The following ZNF148 variants were observed in gnomAD, a reference collection of about 807,000 sequenced individuals.
ZNF148 encodes the protein zinc finger protein 148, also known as Beta-Enolase Repressor Factor-1.
A neutral mutation model predicts 67.7 loss-of-function variants in ZNF148; 7 were observed. The observed-to-expected ratio is 0.10, with a 90% confidence interval of 0.06 to 0.19. ZNF148 has a LOEUF of 0.19. ZNF148 is among the 10% of genes least tolerant of loss of function. The pLI, the probability that ZNF148 is intolerant of heterozygous loss-of-function variation, is 1.00. For missense variants in ZNF148, 583 were observed against 947.1 expected, an observed-to-expected ratio of 0.62 and a Z score of 5.05; for synonymous variants, 333 against 330.7, an observed-to-expected ratio of 1.01 and a Z score of -0.08.
At chr3:125,252,763 T>C (rs1256652902) in intron 7 of ZNF148, among the ~76,000 whole-genome samples, 1 of 53,988 alleles carries the variant, frequency 1.9e-5, no homozygotes, top group African/African-American at 1.1e-4. Context: ...CAAGACTCTG[T>C]CTCAAAAAAA....
At chr3:125,324,182 A>C (rs1353827192) in intron 2 of ZNF148, among the ~76,000 whole-genome samples, 1 of 134,944 alleles carries the variant, frequency 7.4e-6, no homozygotes, top group Non-Finnish European at 1.7e-5. Flanking sequence ...AAAGTATAAT[A>C]ATAAAAAAAA....
chr3:125,309,108 A>C (rs1940056176), intron 4 of ZNF148, among the ~76,000 whole-genome samples: 1 of 152,210 alleles, frequency 6.6e-6, no homozygotes, highest in Admixed American at 6.5e-5. Flanking sequence ...AGAATTACAA[A>C]AAAACTTCCC....
intron 7 of ZNF148, among the ~76,000 whole-genome samples, chr3:125,244,226 C>T (rs1307242589): frequency 1.3e-5 from 2 of 152,094 alleles, no homozygotes; most frequent in African/African-American, 4.8e-5. Flanking sequence ...TGACATTGCA[C>T]ACAATCAGCT....
chr3:125,304,086 C>T (rs1939743072), intron 4 of ZNF148, among the ~76,000 whole-genome samples: 7 of 152,004 alleles, frequency 4.6e-5, no homozygotes, highest in Admixed American at 4.6e-4. Flanking sequence ...CTGCTCTTGC[C>T]TATCCTCTTA....
intron 2 of ZNF148, among the ~76,000 whole-genome samples, chr3:125,329,724 C>CAA (rs980740328): frequency 3.3e-4 from 45 of 137,660 alleles, no homozygotes; most frequent in Non-Finnish European, 5.7e-4. Flanking sequence ...TTTATAATAG[C>CAA]AAAAAAAAAA....
At position 125,228,258 on chromosome 3, in the gene ZNF148, G is replaced by GT. The variant is rs1660560086; in HGVS notation, c.*4082dup. 6.6e-6 allele frequency: 1 copy of GT among 152,582 alleles called. No homozygotes were observed. The highest frequency in any genetic ancestry group is 6.6e-5 in the Admixed American group (1 of 15,256). The allele number at this position is 152,582 out of a possible 1,614,324, so 9.5% of individuals were successfully genotyped here. On this transcript the variant is annotated 3_prime_UTR_variant, in exon 9 of 9. Coordinates refer to ENST00000360647, the MANE Select transcript of ZNF148 (RefSeq NM_021964.3). ...CTTCCTTCAGTGTGATGGGCACTAAGTTTTGCGGTCTTCCTCCATCTTGCA... is the reference window on the plus strand; with the variant it reads ...CTTCCTTCAGTGTGATGGGCACTAAGTTTTTGCGGTCTTCCTCCATCTTGCA...
intron 1 of ZNF148, among the ~76,000 whole-genome samples, chr3:125,352,784 G>A (rs533437420): frequency 1.3e-5 from 2 of 151,748 alleles, no homozygotes; most frequent in Non-Finnish European, 2.9e-5. Flanking sequence ...TATATGGAAA[G>A]GCAACAAAAC....
chr3:125,305,102 G>A (rs1333459096), intron 4 of ZNF148, among the ~76,000 whole-genome samples: 1 of 152,184 alleles, frequency 6.6e-6, no homozygotes, highest in East Asian at 1.9e-4. Flanking sequence ...TAAATAAAGT[G>A]TGATAAGGAA....
At chr3:125,356,489 AATATATTTTT>A (rs1370030409) in intron 1 of ZNF148, among the ~76,000 whole-genome samples, 1 of 152,226 alleles carries the variant, frequency 6.6e-6, no homozygotes, top group Non-Finnish European at 1.5e-5. Context: ...GACAACTGCA[AATATATTTTT>A]AGATTTATTA....
chr3:125,303,528 C>G (rs1336878425), intron 4 of ZNF148, among the ~76,000 whole-genome samples: 2 of 152,150 alleles, frequency 1.3e-5, no homozygotes, highest in African/African-American at 4.8e-5. Flanking sequence ...GAGCTCAAAC[C>G]CTATTGTGAA....
intron 6 of ZNF148, among the ~76,000 whole-genome samples, chr3:125,278,208 C>A (rs1010465293): frequency 1.3e-5 from 2 of 152,052 alleles, no homozygotes; most frequent in Non-Finnish European, 2.9e-5. Context: ...TCCATTTATG[C>A]CCTTTTACAT....
chr3:125,358,938 AGTT>A (rs1037381007), intron 1 of ZNF148, among the ~76,000 whole-genome samples: 2 of 152,238 alleles, frequency 1.3e-5, no homozygotes, highest in African/African-American at 4.8e-5. Flanking sequence ...GAATTAATAT[AGTT>A]ATCATTTAAA....
intron 7 of ZNF148, among the ~76,000 whole-genome samples, chr3:125,252,703 G>A (rs1442913847): frequency 6.6e-6 from 1 of 151,686 alleles, no homozygotes; most frequent in Non-Finnish European, 1.5e-5. Flanking sequence ...GGGAGTCGGA[G>A]GTTGCAGTGA....
chr3:125,332,621 G>C (rs1941336140), intron 1 of ZNF148, among the ~76,000 whole-genome samples: 1 of 152,144 alleles, frequency 6.6e-6, no homozygotes, highest in Admixed American at 6.6e-5. Context: ...ATTACAGACT[G>C]CCACCTGATA....
intron 7 of ZNF148, among the ~76,000 whole-genome samples, chr3:125,256,431 C>T (rs1486363833): frequency 6.6e-6 from 1 of 151,602 alleles, no homozygotes; most frequent in Admixed American, 6.6e-5. Flanking sequence ...AATCCCAGCA[C>T]TTTGGGAGGT....
intron 7 of ZNF148, 123 bp from the exon 8 acceptor site, chr3:125,234,452 A>T (rs1426441031): frequency 2.9e-6 from 2 of 694,322 alleles, no homozygotes; most frequent in Non-Finnish European, 4.9e-6. Context: ...CATTTGTCAA[A>T]TATATTTTGC....
chr3:125,229,504 T>A lies in ZNF148; in HGVS notation c.*2837A>T, dbSNP rs1441172746. 6.6e-6 allele frequency: 1 copy of A among 152,108 alleles called. No homozygotes were observed. The highest frequency in any genetic ancestry group is 1.5e-5 in the Non-Finnish European group (1 of 68,024). The allele number at this position is 152,108 out of a possible 1,614,324, so 9.4% of individuals were successfully genotyped here. On this transcript the variant is annotated 3_prime_UTR_variant, in exon 9 of 9. Coordinates refer to ENST00000360647, the MANE Select transcript of ZNF148 (RefSeq NM_021964.3). ...TTAAATATTCAAGACAAATGAAATA[T>A]GTGAGAATAAGGTTTTAAAAAACCC...
In ZNF148 at chr3:125,229,037, G is replaced by A. The variant is rs1935745665; in HGVS notation, c.*3304C>T. Reference sequence around the variant, plus strand: ...TGGAAAATTATTTCCCTGAAATAAAGCAATTTGAAACGGAAAATTAAATTA... The same window carrying A: ...TGGAAAATTATTTCCCTGAAATAAAACAATTTGAAACGGAAAATTAAATTA... On this transcript the variant is annotated 3_prime_UTR_variant, in exon 9 of 9. Coordinates refer to ENST00000360647, the MANE Select transcript of ZNF148 (RefSeq NM_021964.3). 1 of 152,332 alleles carries A rather than the reference G, an allele frequency of 6.6e-6. No individual in the cohort carries two copies. Among genetic ancestry groups the A allele is most frequent in the African/African-American group, 2.4e-5 (1 of 41,338 alleles). 9.4% of individuals were successfully genotyped at this position (152,332 alleles called of 1,614,324 possible).
intron 1 of ZNF148, chr3:125,357,405 AC>A (rs1559780671): frequency 6.6e-6 from 1 of 151,918 alleles, no homozygotes; most frequent in Non-Finnish European, 1.5e-5. Flanking sequence ...GGACACACAC[AC>A]ACCCCCCAAA....
Sources: gnomAD v4.1 joint callset for allele counts (sites outside exome capture counted in the v4.1 genomes callset) on GRCh38, gnomAD v4.1.1 for gene constraint, MANE v1.5 for transcripts, NCBI Gene and HGNC (gene_info 2026-07-23, HGNC 2026-07-21) for gene names.